GLRA3: variants seen among roughly 807,000 people sequenced by gnomAD.
GLRA3 encodes the protein glycine receptor subunit alpha-3.
Under a neutral mutation model 60.4 loss-of-function variants are expected in GLRA3, and 44 were observed. That is an observed-to-expected ratio of 0.73 (90% CI 0.57 to 0.94). GLRA3 has a LOEUF of 0.94. GLRA3 is among the 40% of genes least tolerant of loss of function. GLRA3 has a pLI of 0.00. For missense variants in GLRA3, 508 were observed against 564.6 expected (o/e 0.90, Z 1.02); for synonymous variants, 223 against 192.9 (o/e 1.16, Z -1.29).
In GLRA3 at chr4:174,752,628, C is replaced by A. The variant is rs113088791; in HGVS notation, c.267+14335G>T. Among the ~76,000 whole-genome samples, 1,405 of 152,170 alleles carry A rather than the reference C, an allele frequency of 9.2e-3. 21 individuals carry two copies. The highest frequency in any genetic ancestry group is 0.032 in the African/African-American group (1,331 of 41,524). The stretch of plus-strand genomic sequence containing the variant: ...AAAGAGTCCCAGAAGCGCTGGAAGA[C>A]TTAATGGAGAAGGAAGCACTCCCAA... On this transcript the variant is annotated intron_variant, in intron 3 of 9. Transcript: ENST00000274093.
Position 174,728,551 on chromosome 4 carries a change from C to A in GLRA3, c.415G>T (p.Ala139Ser). The A allele has an allele frequency of 6.2e-7, 1 of 1,613,316 alleles. No individual in the cohort carries two copies. The highest frequency in any genetic ancestry group is 8.5e-7 in the Non-Finnish European group (1 of 1,179,342). The change falls in exon 4 of 10, where the codon GCC becomes TCC. Residue 139 changes from alanine to serine, a missense_variant. This residue lies in a region of GLRA3 where 329 missense variants were observed against 349.3 expected (regional missense o/e 0.94). Coordinates refer to ENST00000274093, the MANE Select transcript of GLRA3 (RefSeq NM_006529.4). ...TCTGTAGTGACTTCATGAAAGTTGG[C>A]ACCCTTTTCATTGGCAAAGAACAAA... ...PDLFFANEKG[A>S]NFHEVTTDNK...
intron 1 of GLRA3, among the ~76,000 whole-genome samples, chr4:174,801,030 C>A (rs1188584399): frequency 6.6e-6 from 1 of 152,020 alleles, no homozygotes; most frequent in Non-Finnish European, 1.5e-5. Flanking sequence ...TGTAAGTGTA[C>A]TCAGCATGTT....
At chr4:174,707,048 G>A (rs1735545112) in intron 5 of GLRA3, among the ~76,000 whole-genome samples, 1 of 152,120 alleles carries the variant, frequency 6.6e-6, no homozygotes, top group African/African-American at 2.4e-5. Context: ...TTCTCAGCAA[G>A]ATATCTGATG....
At chr4:174,773,239 C>T (rs1188782793) in intron 2 of GLRA3, among the ~76,000 whole-genome samples, 6 of 151,932 alleles carry the variant, frequency 3.9e-5, no homozygotes, top group Non-Finnish European at 5.9e-5. Flanking sequence ...AAATTGTTCA[C>T]GACTTTAGGC....
intron 1 of GLRA3, among the ~76,000 whole-genome samples, chr4:174,825,962 C>T (rs1464880932): frequency 1.3e-5 from 2 of 152,100 alleles, no homozygotes; most frequent in African/African-American, 2.4e-5. Context: ...AACTCTTATA[C>T]ATTACTGATA....
chr4:174,691,876 CT>C (rs1734834704), intron 5 of GLRA3, among the ~76,000 whole-genome samples: 1 of 151,920 alleles, frequency 6.6e-6, no homozygotes, highest in Admixed American at 6.5e-5. Context: ...TGAGGAGCCC[CT>C]CTGCCTGGCT....
intron 5 of GLRA3, among the ~76,000 whole-genome samples, chr4:174,706,538 T>C (rs1049783274): frequency 3.3e-5 from 5 of 152,202 alleles, no homozygotes; most frequent in African/African-American, 1.2e-4. Context: ...AAATATTTTC[T>C]TGATGTATTC....
intron 2 of GLRA3, among the ~76,000 whole-genome samples, chr4:174,777,020 G>T (rs957757857): frequency 1.3e-5 from 2 of 152,022 alleles, no homozygotes; most frequent in African/African-American, 4.8e-5. Flanking sequence ...GGAGAGAAGG[G>T]GATGAGGGCA....
Position 174,643,785 on chromosome 4 carries a change from C to T in GLRA3, c.*1G>A, listed in dbSNP as rs375919048. The T allele has an allele frequency of 6.1e-5, 98 of 1,611,008 alleles. No homozygotes were observed. Among genetic ancestry groups the T allele is most frequent in the Non-Finnish European group, 1.6e-5 (19 of 1,178,062 alleles). ...ATTTGCATTTGCATGCCCCCAGAGA[C>T]TTAATCTTGCTGCTGATGAATATCC... On this transcript the variant is annotated 3_prime_UTR_variant, in exon 10 of 10. Transcript: ENST00000274093.
At chr4:174,819,812 T>A (rs1387753022) in intron 1 of GLRA3, among the ~76,000 whole-genome samples, 2 of 152,182 alleles carry the variant, frequency 1.3e-5, no homozygotes, top group African/African-American at 4.8e-5. Flanking sequence ...ATCCCAGAAC[T>A]CTGATAGGTG....
chr4:174,657,711 G>T (rs1355082584), intron 8 of GLRA3, among the ~76,000 whole-genome samples: 3 of 152,074 alleles, frequency 2.0e-5, no homozygotes, highest in Admixed American at 6.6e-5. Context: ...AATGAGAAAT[G>T]TAACAGACCA....
At chr4:174,791,430 T>A (rs1739341728) in intron 1 of GLRA3, among the ~76,000 whole-genome samples, 1 of 152,196 alleles carries the variant, frequency 6.6e-6, no homozygotes, top group East Asian at 1.9e-4. Flanking sequence ...AGAATAGATT[T>A]CTGTTCTTTG....
Position 174,642,084 on chromosome 4 carries a change from G to T in GLRA3, c.*1702C>A. The T allele has an allele frequency of 1.2e-6, 1 of 865,118 alleles. No homozygotes were observed. The highest frequency in any genetic ancestry group is 1.4e-6 in the Non-Finnish European group (1 of 720,396). The allele number at this position is 865,118 out of a possible 1,614,324, so 53.6% of individuals were successfully genotyped here. A position where few individuals can be genotyped will look rare whatever the true frequency, so the allele number is the denominator to read the frequency against. ...AAACATGATATTATTTCCTTATAGT[G>T]TTGTTTTAAGTTACTTATAAAGGAG... is the stretch of plus-strand genomic sequence containing the variant. On this transcript the variant is annotated 3_prime_UTR_variant, in exon 10 of 10. Coordinates refer to ENST00000274093, the MANE Select transcript of GLRA3 (RefSeq NM_006529.4).
chr4:174,750,892 C>T (rs1737447040), intron 3 of GLRA3, among the ~76,000 whole-genome samples: 1 of 152,028 alleles, frequency 6.6e-6, no homozygotes, highest in Non-Finnish European at 1.5e-5. Context: ...AGGCTGGAAG[C>T]TTTACTGATA....
intron 3 of GLRA3, among the ~76,000 whole-genome samples, chr4:174,729,296 T>C (rs1040864829): frequency 2.6e-5 from 4 of 152,254 alleles, no homozygotes; most frequent in Non-Finnish European, 5.9e-5. Context: ...AGAATATATT[T>C]AGTGAACTTT....
At chr4:174,644,397 T>C (rs1430309595) in intron 9 of GLRA3, among the ~76,000 whole-genome samples, 1 of 137,972 alleles carries the variant, frequency 7.2e-6, no homozygotes, top group African/African-American at 2.9e-5. Context: ...TATATGTTCA[T>C]AAACTAGATT....
intron 2 of GLRA3, among the ~76,000 whole-genome samples, chr4:174,777,456 A>G (rs976689166): frequency 1.3e-5 from 2 of 152,220 alleles, no homozygotes; most frequent in Non-Finnish European, 2.9e-5. Flanking sequence ...TACATACTCT[A>G]TGATTCTAAT....
At chr4:174,814,541 A>G (rs1579650393) in intron 1 of GLRA3, among the ~76,000 whole-genome samples, 1 of 152,186 alleles carries the variant, frequency 6.6e-6, no homozygotes, top group East Asian at 1.9e-4. Context: ...GATCATAAAG[A>G]CATAACTGAG....
intron 3 of GLRA3, among the ~76,000 whole-genome samples, chr4:174,745,676 A>T (rs1183152468): frequency 6.6e-6 from 1 of 152,130 alleles, no homozygotes; most frequent in Non-Finnish European, 1.5e-5. Flanking sequence ...AAGCAAAATA[A>T]ACAGTCAACA....
Sources: allele counts gnomAD v4.1 joint callset (sites outside exome capture counted in the v4.1 genomes callset), GRCh38; gene constraint gnomAD v4.1.1; regional missense constraint gnomAD v4.1.1; transcripts MANE v1.5; gene names NCBI Gene and HGNC (gene_info 2026-07-23, HGNC 2026-07-21).